The following TNPO3 variants were observed in gnomAD, a reference collection of about 807,000 sequenced individuals.
TNPO3 encodes the protein transportin-3.
Under a neutral mutation model 122.8 loss-of-function variants are expected in TNPO3, and 65 were observed. That is an observed-to-expected ratio of 0.53 (90% CI 0.43 to 0.65). The LOEUF is 0.65. Ranked by LOEUF, TNPO3 falls within the 30% of genes least tolerant of loss-of-function variation. The pLI is 0.00. For synonymous variants in TNPO3, 372 were observed against 411.2 expected, an observed-to-expected ratio of 0.90 and a Z score of 1.15; for missense variants, 850 against 1,136.7, an observed-to-expected ratio of 0.75 and a Z score of 3.63.
chr7:129,026,978 A>G (rs1805262362), intron 1 of TNPO3, among the ~76,000 whole-genome samples: 1 of 151,578 alleles, frequency 6.6e-6, no homozygotes, highest in African/African-American at 2.4e-5. Context: ...TATTTTTTGT[A>G]GAGACAGGTC....
At chr7:129,017,090 T>C in intron 2 of TNPO3, 34 bp from the exon 3 acceptor site, 4 of 1,556,448 alleles carry the variant, frequency 2.6e-6, no homozygotes, top group Non-Finnish European at 3.5e-6. Context: ...TGAAGACAGA[T>C]GAACAGAAAT....
At chr7:128,995,861 G>T (rs1801256332) in intron 8 of TNPO3, among the ~76,000 whole-genome samples, 1 of 152,180 alleles carries the variant, frequency 6.6e-6, no homozygotes, top group South Asian at 2.1e-4. Flanking sequence ...ACCATGCCCA[G>T]CTAATTTTTG....
intron 19 of TNPO3, among the ~76,000 whole-genome samples, chr7:128,971,797 C>T (rs1798518074): frequency 6.6e-6 from 1 of 152,174 alleles, no homozygotes; most frequent in African/African-American, 2.4e-5. Context: ...TAATTCATGG[C>T]TTCATTTAAA....
Position 129,023,463 on chromosome 7 carries a change from G to A in TNPO3, c.121-5306C>T, listed in dbSNP as rs117152829. Among the ~76,000 whole-genome samples, 455 of 152,070 alleles carry A rather than the reference G, an allele frequency of 3.0e-3. 1 individual carries two copies. Among genetic ancestry groups the A allele is most frequent in the Middle Eastern group, 0.01 (3 of 294 alleles). ...AACTCAGTAACAACTTGCATCCCTAGTGCCTACATTGTAGTCTTTAAATTC... is the reference window on the plus strand; with the variant it reads ...AACTCAGTAACAACTTGCATCCCTAATGCCTACATTGTAGTCTTTAAATTC... On this transcript the variant is annotated intron_variant, in intron 1 of 22. Transcript: ENST00000265388.
At chr7:129,021,770 T>C (rs1196478840) in intron 1 of TNPO3, among the ~76,000 whole-genome samples, 1 of 151,940 alleles carries the variant, frequency 6.6e-6, no homozygotes, top group African/African-American at 2.4e-5. Flanking sequence ...AAGAAAATGA[T>C]ACAAGATACG....
At chr7:128,998,004 ATTTTTTTTTT>A (rs71162546) in intron 7 of TNPO3, among the ~76,000 whole-genome samples, 1 of 129,428 alleles carries the variant, frequency 7.7e-6, no homozygotes, top group Non-Finnish European at 1.6e-5. Flanking sequence ...AGCTCAGCTA[ATTTTTTTTTT>A]TTTTTTTTTT....
At chr7:128,974,167 C>T (rs1798816170) in intron 18 of TNPO3, among the ~76,000 whole-genome samples, 1 of 151,452 alleles carries the variant, frequency 6.6e-6, no homozygotes, top group Non-Finnish European at 1.5e-5. Context: ...GAGTGAGAGT[C>T]CATCTCAAAA....
intron 8 of TNPO3, 54 bp downstream of exon 8, chr7:128,997,335 G>T: frequency 6.3e-7 from 1 of 1,590,832 alleles, no homozygotes; most frequent in Non-Finnish European, 8.6e-7. Flanking sequence ...TTTTCAAGTT[G>T]GCACTGACAA....
chr7:128,981,853 CA>C (rs1250993923), intron 14 of TNPO3, among the ~76,000 whole-genome samples: 1 of 152,004 alleles, frequency 6.6e-6, no homozygotes, highest in East Asian at 1.9e-4. Context: ...CTCAGCCTCC[CA>C]AATAGCTGGG....
chr7:128,970,072 T>G, intron 20 of TNPO3, 76 bp downstream of exon 20: 2 of 1,577,598 alleles, frequency 1.3e-6, no homozygotes, highest in South Asian at 2.2e-5. Flanking sequence ...GTTTCAAAAT[T>G]AGGGTTGGCC....
At chr7:129,002,760 T>C (rs1027542040) in intron 5 of TNPO3, among the ~76,000 whole-genome samples, 1 of 150,776 alleles carries the variant, frequency 6.6e-6, no homozygotes, top group African/African-American at 2.4e-5. Context: ...CTACTAAAAA[T>C]ACAAAAAATT....
intron 13 of TNPO3, 61 bp from the exon 14 acceptor site, chr7:128,982,385 T>C: frequency 7.2e-7 from 1 of 1,390,500 alleles, no homozygotes; most frequent in Admixed American, 1.7e-5. Flanking sequence ...CAGCCAACAC[T>C]GCAACATACA....
intron 5 of TNPO3, among the ~76,000 whole-genome samples, chr7:129,003,433 G>A (rs1802224568): frequency 6.6e-6 from 1 of 151,842 alleles, no homozygotes; most frequent in South Asian, 2.1e-4. Context: ...GCTTTGGGAG[G>A]CTGAGGTGGG....
chr7:129,027,208 G>A (rs1478786465), intron 1 of TNPO3, among the ~76,000 whole-genome samples: 1 of 152,064 alleles, frequency 6.6e-6, no homozygotes, highest in Non-Finnish European at 1.5e-5. Context: ...TTTATCGGGT[G>A]TTTCAACTTT....
intron 4 of TNPO3, among the ~76,000 whole-genome samples, chr7:129,008,774 T>C (rs1802865642): frequency 6.6e-6 from 1 of 152,172 alleles, no homozygotes; most frequent in African/African-American, 2.4e-5. Context: ...CTCAATTGAA[T>C]CTTTGATGCT....
rs1796754465 is a variant in TNPO3 at position 128,954,827 on chromosome 7, G to A, written c.*590C>T. On this transcript the variant is annotated 3_prime_UTR_variant, in exon 23 of 23. Transcript: ENST00000265388. ...AAAGGAGGGGAGAGAGAAAGAGAAG[G>A]AAGGGTAGGAGAGGAAAGAGAGGAC... The A allele has an allele frequency of 6.5e-6, 1 of 153,728 alleles. No homozygotes were observed. The highest frequency in any genetic ancestry group is 2.0e-4 in the South Asian group (1 of 4,936). 9.5% of individuals were successfully genotyped at this position (153,728 alleles called of 1,614,324 possible).
chr7:128,960,751 T>TATC (rs1797366921), intron 21 of TNPO3, among the ~76,000 whole-genome samples: 1 of 150,652 alleles, frequency 6.6e-6, no homozygotes, highest in African/African-American at 2.4e-5. Flanking sequence ...AGAGTTAATT[T>TATC]ATTATTATTA....
chr7:128,965,780 A>G (rs138765147), intron 21 of TNPO3, among the ~76,000 whole-genome samples: 2,366 of 152,346 alleles, frequency 0.016, 29 homozygotes, highest in Non-Finnish European at 0.023. Flanking sequence ...GGCACACGCT[A>G]CAACATAGAT....
intron 1 of TNPO3, among the ~76,000 whole-genome samples, chr7:129,033,655 C>T (rs1264599122): frequency 2.6e-5 from 4 of 152,162 alleles, no homozygotes; most frequent in South Asian, 2.1e-4. Context: ...CACAGTGGCT[C>T]ACACCTGTAA....
Sources: gnomAD v4.1 joint callset for allele counts (sites outside exome capture counted in the v4.1 genomes callset) on GRCh38, gnomAD v4.1.1 for gene constraint, MANE v1.5 for transcripts, NCBI Gene and HGNC (gene_info 2026-07-23, HGNC 2026-07-21) for gene names.